Variants in KCNT1 observed in about 807,000 individuals in gnomAD.
KCNT1 encodes potassium sodium-activated channel subfamily T member 1.
Under a neutral mutation model 147.8 loss-of-function variants are expected in KCNT1, and 78 were observed. The ratio of observed to expected loss-of-function variants is 0.53; its 90% confidence interval spans 0.44 to 0.64. The LOEUF (loss-of-function observed/expected upper bound fraction) is 0.64, where lower values mean the gene tolerates loss of function less well. Among genes scored for constraint, KCNT1 ranks in the 30% least tolerant of loss-of-function variants. The probability of loss-of-function intolerance (pLI) is 0.00; values close to 1 mark genes in which losing one functional copy is unlikely to be tolerated. For synonymous variants in KCNT1, 867 were observed against 748.8 expected, an observed-to-expected ratio of 1.16 and a Z score of -2.58; for missense variants, 1,419 against 1,750.3, an observed-to-expected ratio of 0.81 and a Z score of 3.38.
intron 13 of KCNT1, 59 bp from the exon 14 acceptor site, chr9:135,768,551 C>A: frequency 1.4e-6 from 2 of 1,424,264 alleles, no homozygotes; most frequent in Non-Finnish European, 1.9e-6. Context: ...CCTCCGCACC[C>A]CCGGCTGCAC....
chr9:135,747,471 C>T (rs1016632041), intron 2 of KCNT1, among the ~76,000 whole-genome samples: 28 of 152,098 alleles, frequency 1.8e-4, no homozygotes, highest in Non-Finnish European at 3.1e-4. Context: ...GCTCCCGCCT[C>T]AGCCCTGCCT....
Position 135,759,908 on chromosome 9 carries a change from C to G in KCNT1, c.1035+49C>G. 3.3e-6 allele frequency: 5 copies of G among 1,519,160 alleles called. No homozygotes were observed. The South Asian group carries it at 6.3e-5, about 19-fold the overall frequency. The allele number at this position is 1,519,160 out of a possible 1,614,324, so 94.1% of individuals were successfully genotyped here. ...TGGGTGGCACCAGCAAAGGGACAGG[C>G]GGGTGCCAGTAGAGGGAGGGTGCCA... is the stretch of plus-strand genomic sequence containing the variant. On this transcript the variant is annotated intron_variant, in intron 11 of 30. Coordinates refer to ENST00000371757, the MANE Select transcript of KCNT1 (RefSeq NM_020822.3).
intron 12 of KCNT1, 119 bp from the exon 13 acceptor site, chr9:135,765,505 A>G (rs1321106949): frequency 3.4e-6 from 4 of 1,167,114 alleles, no homozygotes; most frequent in Non-Finnish European, 4.8e-6. Context: ...CACCAGATGC[A>G]AGATCACAGT....
Position 135,778,822 on chromosome 9 carries a change from G to A in KCNT1, c.2729G>A (p.Arg910Gln), listed in dbSNP as rs151272083. The A allele has an allele frequency of 7.0e-4, 1,127 of 1,608,188 alleles. 2 individuals are homozygous for A. The highest frequency in any genetic ancestry group is 7.8e-4 in the Non-Finnish European group (922 of 1,174,880). Residue 910 changes from arginine to glutamine, a missense_variant and splice_region_variant, in exon 23 of 31, where the codon CGG (arginine) becomes CAG (glutamine). Transcript: ENST00000371757. The stretch of plus-strand genomic sequence containing the variant: ...ATCGTCAACGTGCAGACCATGTTCC[G>A]GTGCGTCCAGTGTCCGGGGCTCGGC... ...KTIVNVQTMF[R>Q]LFPSLSITTE...
chr9:135,753,569 T>C (rs1483983796), intron 4 of KCNT1, among the ~76,000 whole-genome samples: 1 of 152,172 alleles, frequency 6.6e-6, no homozygotes, highest in Non-Finnish European at 1.5e-5. Context: ...ACATGCTCTC[T>C]CTGGCCATGT....
At chr9:135,706,359 C>T (rs901940681) in intron 1 of KCNT1, among the ~76,000 whole-genome samples, 19 of 152,230 alleles carry the variant, frequency 1.2e-4, no homozygotes, top group Admixed American at 1.2e-3. Context: ...AGTGGAATTG[C>T]CCAGTCAAAA....
chr9:135,761,689 G>A (rs187416061), intron 11 of KCNT1, among the ~76,000 whole-genome samples: 4 of 152,314 alleles, frequency 2.6e-5, no homozygotes, highest in East Asian at 3.9e-4. Flanking sequence ...TGCTGAGGCC[G>A]CTGCACCCAG....
chr9:135,768,267 ACCGGTGGGGGGGGCACAGGGATG>A (rs1832456120), intron 13 of KCNT1, among the ~76,000 whole-genome samples: 1 of 2,324 alleles, frequency 4.3e-4, no homozygotes, highest in Non-Finnish European at 8.8e-4. Context: ...GCACTGGGAT[ACCGGTGGGGGGGGCACAGGGATG>A]CCTGCTGGTG....
intron 2 of KCNT1, among the ~76,000 whole-genome samples, chr9:135,722,984 T>A (rs1277602601): frequency 3.3e-5 from 5 of 152,224 alleles, no homozygotes; most frequent in Admixed American, 2.6e-4. Context: ...AAGTTGCCCC[T>A]TCATTTCAAA....
chr9:135,743,624 G>T (rs1045591017), intron 2 of KCNT1, among the ~76,000 whole-genome samples: 1 of 152,218 alleles, frequency 6.6e-6, no homozygotes, highest in African/African-American at 2.4e-5. Flanking sequence ...CACCACCCAG[G>T]GTTCTCCTGG....
At chr9:135,718,125 C>G (rs2131336197) in intron 2 of KCNT1, among the ~76,000 whole-genome samples, 1 of 152,330 alleles carries the variant, frequency 6.6e-6, no homozygotes, top group South Asian at 2.1e-4. Flanking sequence ...TCTGATGCCT[C>G]TATCTGCCAT....
Position 135,792,315 on chromosome 9 carries a change from C to T in KCNT1, c.*154C>T. 1 of 1,018,566 alleles carries T rather than the reference C, an allele frequency of 9.8e-7. No homozygotes were observed. The highest frequency in any genetic ancestry group is 1.4e-6 in the Non-Finnish European group (1 of 724,524). 63.1% of individuals were successfully genotyped at this position (1,018,566 alleles called of 1,614,324 possible). ...GACTCCACCCTGGAAAGGAGCCCCT[C>T]ATGCGGGGGGAGGGCCAGCTCACCC... On this transcript the variant is annotated 3_prime_UTR_variant, in exon 31 of 31. Coordinates refer to ENST00000371757, the MANE Select transcript of KCNT1 (RefSeq NM_020822.3).
At chr9:135,705,298 G>A (rs944437766) in intron 1 of KCNT1, among the ~76,000 whole-genome samples, 1 of 152,206 alleles carries the variant, frequency 6.6e-6, no homozygotes, top group African/African-American at 2.4e-5. Flanking sequence ...TGGCACTTCT[G>A]TGTCTCCCAC....
At chr9:135,718,557 G>A (rs1835807732) in intron 2 of KCNT1, among the ~76,000 whole-genome samples, 1 of 152,220 alleles carries the variant, frequency 6.6e-6, no homozygotes, top group African/African-American at 2.4e-5. Flanking sequence ...TCTGGGTAAG[G>A]TGGAAGTGCC....
intron 20 of KCNT1, 39 bp from the exon 21 acceptor site, chr9:135,777,299 A>G: frequency 6.4e-7 from 1 of 1,571,506 alleles, no homozygotes; most frequent in Non-Finnish European, 8.7e-7. Flanking sequence ...CAGGAACCAC[A>G]GCCCTGACTC....
chr9:135,768,049 C>T (rs1372402774), intron 13 of KCNT1, among the ~76,000 whole-genome samples: 1 of 149,976 alleles, frequency 6.7e-6, no homozygotes, highest in Non-Finnish European at 1.5e-5. Context: ...TGCACACGCT[C>T]AGGGGACAGG....
chr9:135,792,307 GAGCCCCTCATGCGGGGGGAGGGCCAGC>G lies in KCNT1; in HGVS notation c.*147_*173del. Reference sequence around the variant, plus strand: ...GCTCCTGGGACTCCACCCTGGAAAGGAGCCCCTCATGCGGGGGGAGGGCCAGCTCACCCCTGGGCACCTGCAGGCTAG... The same window carrying G: ...GCTCCTGGGACTCCACCCTGGAAAGGTCACCCCTGGGCACCTGCAGGCTAG... On this transcript the variant is annotated 3_prime_UTR_variant, in exon 31 of 31. Transcript: ENST00000371757. The G allele has an allele frequency of 9.1e-7, 1 of 1,104,146 alleles. No individual in the cohort carries two copies. Among genetic ancestry groups the G allele is most frequent in the Non-Finnish European group, 1.2e-6 (1 of 801,468 alleles). The allele number at this position is 1,104,146 out of a possible 1,614,324, so 68.4% of individuals were successfully genotyped here.
chr9:135,704,354 C>T (rs984650499), intron 1 of KCNT1, among the ~76,000 whole-genome samples: 4 of 152,240 alleles, frequency 2.6e-5, no homozygotes, highest in African/African-American at 9.6e-5. Context: ...CTCAAACCCC[C>T]AGCTCCACGC....
At chr9:135,774,088 T>C (rs755257415) in intron 19 of KCNT1, among the ~76,000 whole-genome samples, 73 of 147,646 alleles carry the variant, frequency 4.9e-4, no homozygotes, top group Non-Finnish European at 1.0e-3. Flanking sequence ...ATGTGTAATG[T>C]GTGTTGTGTG....
Sources: allele counts gnomAD v4.1 joint callset (sites outside exome capture counted in the v4.1 genomes callset), GRCh38; gene constraint gnomAD v4.1.1; transcripts MANE v1.5; gene names NCBI Gene and HGNC (gene_info 2026-07-23, HGNC 2026-07-21).